Variants in ABCB10 observed in about 807,000 individuals in gnomAD.
ABCB10 encodes the protein ATP-binding cassette sub-family B member 10, mitochondrial.
Under a neutral mutation model 65.4 loss-of-function variants are expected in ABCB10, and 54 were observed. That is an observed-to-expected ratio of 0.83 (90% CI 0.66 to 1.04). ABCB10 has a LOEUF of 1.04. Among genes scored for constraint, ABCB10 ranks in the 50% least tolerant of loss-of-function variants. The pLI is 0.00. For synonymous variants in ABCB10, 418 were observed against 406.5 expected (o/e 1.03, Z -0.34); for missense variants, 846 against 976.6 (o/e 0.87, Z 1.78).
rs1439881968 is a variant in ABCB10, at chr1:229,531,626, T to C, written c.1435+10A>G. The C allele has an allele frequency of 1.9e-6, 3 of 1,613,230 alleles. No homozygotes were observed. The highest frequency in any genetic ancestry group is 2.5e-6 in the Non-Finnish European group (3 of 1,179,608). On this transcript the variant is annotated intron_variant, in intron 7 of 12. Coordinates refer to ENST00000344517, the MANE Select transcript of ABCB10 (RefSeq NM_012089.3). Reference sequence around the variant, plus strand: ...GTTAATCCTAGCAAAGAAACAATTTTCAGACCCACCGTTAAAAGGCAGCTT... The same window carrying C: ...GTTAATCCTAGCAAAGAAACAATTTCCAGACCCACCGTTAAAAGGCAGCTT...
chr1:229,525,804 C>T (rs1662426191), intron 10 of ABCB10, 132 bp downstream of exon 10: 1 of 1,143,474 alleles, frequency 8.7e-7, no homozygotes. Flanking sequence ...TGCCACTGCA[C>T]TCCAGCCTGG....
At chr1:229,520,600 G>A (rs1662290024) in intron 11 of ABCB10, among the ~76,000 whole-genome samples, 1 of 150,822 alleles carries the variant, frequency 6.6e-6, no homozygotes, top group Non-Finnish European at 1.5e-5. Context: ...TCACAAAAAG[G>A]TAGCTACTAT....
At chr1:229,543,566 C>T (rs1199205256) in intron 3 of ABCB10, among the ~76,000 whole-genome samples, 1 of 152,218 alleles carries the variant, frequency 6.6e-6, no homozygotes, top group African/African-American at 2.4e-5. Context: ...TGAGAGCCCA[C>T]GTTACTGAGT....
chr1:229,539,743 TG>T, intron 5 of ABCB10, 152 bp from the exon 6 acceptor site: 3 of 935,332 alleles, frequency 3.2e-6, no homozygotes, highest in Non-Finnish European at 4.7e-6. Flanking sequence ...AAATTAAAAA[TG>T]GTTTTGTAAT....
intron 9 of ABCB10, among the ~76,000 whole-genome samples, chr1:229,526,401 C>G (rs1662445584): frequency 6.6e-6 from 1 of 152,234 alleles, no homozygotes; most frequent in Admixed American, 6.5e-5. Flanking sequence ...GCCTTCCACT[C>G]AGGACAAAGC....
At chr1:229,527,537 C>A (rs1247935744) in intron 8 of ABCB10, among the ~76,000 whole-genome samples, 1 of 152,238 alleles carries the variant, frequency 6.6e-6, no homozygotes, top group Non-Finnish European at 1.5e-5. Context: ...ATGACTATCT[C>A]ACCGAGTCCA....
At chr1:229,547,350 C>T (rs761513075) in intron 3 of ABCB10, 149 bp downstream of exon 3, 62 of 797,544 alleles carry the variant, frequency 7.8e-5, no homozygotes, top group Admixed American at 2.8e-5. Context: ...GCAATCCCCA[C>T]GTTCCAGCAG....
At chr1:229,539,612 AG>A in intron 5 of ABCB10, 21 bp from the exon 6 acceptor site, 1 of 1,608,926 alleles carries the variant, frequency 6.2e-7, no homozygotes, top group Non-Finnish European at 8.5e-7. Flanking sequence ...AAGAAAACAC[AG>A]AAGTCAGGTG....
intron 11 of ABCB10, among the ~76,000 whole-genome samples, chr1:229,519,853 C>T (rs1399468632): frequency 3.3e-5 from 5 of 151,320 alleles, no homozygotes; most frequent in African/African-American, 1.2e-4. Context: ...AGGCTGAGTA[C>T]GGTGGCTCAC....
Position 229,542,360 on chromosome 1 carries a change from T to C in ABCB10, c.933A>G (p.Ser311=). ...TCAAAACAAAGGTGGCCAGATTAGG[T>C]GAGACAAAAAACTGTCAAAAACAAA... ...SVGISMMFFV[S]PNLATFVLSV... The change falls in exon 4 of 13, where the codon TCA becomes TCG. Residue 311 remains serine, a synonymous_variant. Transcript: ENST00000344517. 1 of 1,611,288 alleles carries C rather than the reference T, an allele frequency of 6.2e-7. No individual in the cohort carries two copies. Among genetic ancestry groups the C allele is most frequent in the Non-Finnish European group, 8.5e-7 (1 of 1,179,320 alleles).
At position 229,539,679 on chromosome 1, in the gene ABCB10, T is replaced by C. The variant is rs139544058; in HGVS notation, c.1204-88A>G. 2.6e-4 allele frequency: 368 copies of C among 1,432,814 alleles called. 1 individual carries two copies. In the African/African-American group the frequency reaches 5.1e-3, roughly 20 times the overall value. The allele number at this position is 1,432,814 out of a possible 1,614,324, so 88.8% of individuals were successfully genotyped here. On this transcript the variant is annotated intron_variant, in intron 5 of 12. Transcript: ENST00000344517. The stretch of plus-strand genomic sequence containing the variant: ...GAACACGGCCTGTAATGTCCCTTTT[T>C]CATTCAACTGTCACAGCAAGATTTT...
At chr1:229,534,697 C>T (rs1414797961) in intron 6 of ABCB10, among the ~76,000 whole-genome samples, 1 of 151,582 alleles carries the variant, frequency 6.6e-6, no homozygotes, top group African/African-American at 2.4e-5. Context: ...GGTGAAACCC[C>T]GTCTCTACTA....
In ABCB10 at chr1:229,521,787, T is replaced by C. The variant is rs928023126; in HGVS notation, c.1907-152A>G. ...CCAGAAACCTATTTTAAAATATAGG[T>C]TTAAAATATATCAATCCCAAAATTA... On this transcript the variant is annotated intron_variant, in intron 10 of 12. Coordinates refer to ENST00000344517, the MANE Select transcript of ABCB10 (RefSeq NM_012089.3). The C allele has an allele frequency of 2.2e-5, 15 of 680,096 alleles. No homozygotes were observed. The African/African-American group carries it at 2.6e-4, about 12-fold the overall frequency. 42.1% of individuals were successfully genotyped at this position (680,096 alleles called of 1,614,324 possible).
rs750104039 is a variant in ABCB10 at position 229,540,713 on chromosome 1, C to T, written c.1096G>A (p.Ala366Thr). The part of the protein sequence containing the change: ...ERIGNVRTVR[A>T]FGKEMTEIEK... Reference sequence around the variant, plus strand: ...ATTTCAGTCATTTCTTTCCCAAAAGCTCGAACAGTTCTTACATTTCCAATA... The same window carrying T: ...ATTTCAGTCATTTCTTTCCCAAAAGTTCGAACAGTTCTTACATTTCCAATA... The change falls in exon 5 of 13, where the codon GCT (alanine) becomes ACT (threonine). Residue 366 changes from alanine to threonine, a missense_variant. Physicochemically the swap from Ala to Thr is moderately conservative, Grantham distance 58. Around this residue, in one of 2 missense-constraint regions of ABCB10, gnomAD observed 632 missense variants for 803.2 expected, o/e 0.79. Coordinates refer to ENST00000344517, the MANE Select transcript of ABCB10 (RefSeq NM_012089.3). 1.2e-6 allele frequency: 2 copies of T among 1,613,762 alleles called. No homozygotes were observed. Among genetic ancestry groups the T allele is most frequent in the East Asian group, 2.2e-5 (1 of 44,866 alleles).
At chr1:229,541,509 G>A (rs919032564) in intron 4 of ABCB10, among the ~76,000 whole-genome samples, 7 of 152,198 alleles carry the variant, frequency 4.6e-5, no homozygotes, top group African/African-American at 7.2e-5. Context: ...TTATAGGCAT[G>A]AGCCACCGCA....
At chr1:229,546,133 T>C (rs1057326674) in intron 3 of ABCB10, among the ~76,000 whole-genome samples, 4 of 151,024 alleles carry the variant, frequency 2.6e-5, no homozygotes, top group East Asian at 1.9e-4. Flanking sequence ...GATCGTGCCA[T>C]TGCACTTCAG....
rs368908232 is a variant in ABCB10, at chr1:229,524,229, C to T, written c.1906+1707G>A. 1.4e-3 allele frequency among the ~76,000 whole-genome samples: 217 copies of T among 151,976 alleles called. 5 individuals carry two copies. The South Asian group carries it at 0.043, about 30-fold the overall frequency. On this transcript the variant is annotated intron_variant, in intron 10 of 12. Coordinates refer to ENST00000344517, the MANE Select transcript of ABCB10 (RefSeq NM_012089.3). ...AGGGTGGAGTGCAGTGGTGCGATCC[C>T]AGCTCACTGCAACCTCTGCCTCGCT... is the stretch of plus-strand genomic sequence containing the variant.
chr1:229,529,295 C>CAAAAAAAAAAAAAAAAAAAAAA (rs59264291), intron 8 of ABCB10, among the ~76,000 whole-genome samples: 1 of 23,120 alleles, frequency 4.3e-5, no homozygotes, highest in African/African-American at 1.6e-4. Context: ...GACTCCGTCT[C>CAAAAAAAAAAAAAAAAAAAAAA]AAAAAAAAAA....
chr1:229,532,521 T>C (rs1662608479), intron 6 of ABCB10, among the ~76,000 whole-genome samples: 1 of 151,552 alleles, frequency 6.6e-6, no homozygotes, highest in Admixed American at 6.6e-5. Flanking sequence ...ACTCACATAC[T>C]CCCATATACT....
Sources: gnomAD v4.1 joint callset for allele counts (sites outside exome capture counted in the v4.1 genomes callset) on GRCh38, gnomAD v4.1.1 for gene constraint, gnomAD v4.1.1 regional missense constraint, MANE v1.5 for transcripts, NCBI Gene and HGNC (gene_info 2026-07-23, HGNC 2026-07-21) for gene names.